STK32B: variants seen among roughly 807,000 people sequenced by gnomAD.
STK32B encodes the protein serine/threonine-protein kinase 32B.
A neutral mutation model predicts 52.6 loss-of-function variants in STK32B; 43 were observed. The ratio of observed to expected loss-of-function variants is 0.82; its 90% confidence interval spans 0.64 to 1.05. The LOEUF (loss-of-function observed/expected upper bound fraction) is 1.05, where lower values mean the gene tolerates loss of function less well. STK32B is among the 50% of genes least tolerant of loss of function. The pLI, the probability that STK32B is intolerant of heterozygous loss-of-function variation, is 0.00. For missense variants in STK32B, 621 were observed against 534.6 expected (o/e 1.16, Z -1.59); for synonymous variants, 238 against 204.3 (o/e 1.17, Z -1.41).
chr4:5,498,176 C>T (rs1216359307), intron 11 of STK32B, among the ~76,000 whole-genome samples: 1 of 152,160 alleles, frequency 6.6e-6, no homozygotes, highest in Non-Finnish European at 1.5e-5. Flanking sequence ...TCACTGCCTC[C>T]TTAAACGTCT....
the STK32B span, among the ~76,000 whole-genome samples, chr4:5,021,030 C>T: frequency 6.6e-6 from 1 of 152,170 alleles, no homozygotes; most frequent in Non-Finnish European, 1.5e-5. Context: ...ACCAAAGATG[C>T]AGCCCACAGG....
At chr4:5,436,237 G>A (rs761411606) in intron 6 of STK32B, among the ~76,000 whole-genome samples, 13 of 152,274 alleles carry the variant, frequency 8.5e-5, no homozygotes, top group South Asian at 2.1e-4. Context: ...ACTGAGTTGG[G>A]CCCCTGTGAA....
chr4:5,233,086 T>G (rs185173366), intron 3 of STK32B, among the ~76,000 whole-genome samples: 107 of 152,288 alleles, frequency 7.0e-4, no homozygotes, highest in Admixed American at 1.2e-3. Context: ...AACCTCAGAT[T>G]ACCTAATATG....
rs1264974037 is a variant in STK32B, at chr4:5,469,650, G to A, written c.1106+1580G>A. ...CTTTCACTGACCCTGAGTGGCTATA[G>A]CTCTGAGGGCCAATGGGTGCCCAGA... On this transcript the variant is annotated intron_variant, in intron 11 of 11. Transcript: ENST00000282908. The surrounding 1 kb of genome is among the most constrained non-coding windows in gnomAD (Gnocchi z 4.7). 1.3e-5 allele frequency among the ~76,000 whole-genome samples: 2 copies of A among 152,180 alleles called. No homozygotes were observed. The highest frequency in any genetic ancestry group is 4.1e-4 in the South Asian group (2 of 4,828).
intron 1 of STK32B, among the ~76,000 whole-genome samples, chr4:5,057,378 G>C (rs1226304555): frequency 1.3e-5 from 2 of 152,158 alleles, no homozygotes; most frequent in East Asian, 3.9e-4. Flanking sequence ...GGTGCACAGA[G>C]AACTCCCAAG....
intron 2 of STK32B, among the ~76,000 whole-genome samples, chr4:5,140,501 G>GT (rs1434457156): frequency 6.6e-6 from 1 of 151,826 alleles, no homozygotes; most frequent in African/African-American, 2.4e-5. Context: ...ATTCTGTTAT[G>GT]TTTTTTTCAC....
chr4:5,347,456 G>T (rs1330157368), intron 4 of STK32B, among the ~76,000 whole-genome samples: 3 of 152,168 alleles, frequency 2.0e-5, no homozygotes, highest in Admixed American at 6.5e-5. Context: ...TTGAATTAGG[G>T]TGGCTCATCT....
rs1466594963 is a variant in STK32B, at chr4:5,478,113, GC to G, written c.1106+10045del. On this transcript the variant is annotated intron_variant, in intron 11 of 11. Transcript: ENST00000282908. ...TGAACTCTCAACTCCCCTCTGAAAAGCCATGTGACCTACTACCAGTTGCCCA... is the reference window on the plus strand; with the variant it reads ...TGAACTCTCAACTCCCCTCTGAAAAGCATGTGACCTACTACCAGTTGCCCA... Among the ~76,000 whole-genome samples the G allele has an allele frequency of 2.0e-5, 3 of 152,282 alleles. No homozygotes were observed. The South Asian group carries it at 6.2e-4, about 32-fold the overall frequency.
intron 3 of STK32B, among the ~76,000 whole-genome samples, chr4:5,188,220 T>C (rs1181478957): frequency 6.6e-6 from 1 of 152,216 alleles, no homozygotes; most frequent in Non-Finnish European, 1.5e-5. Flanking sequence ...AGGTGGCGGC[T>C]GTGCAGATGG....
intron 4 of STK32B, among the ~76,000 whole-genome samples, chr4:5,371,486 C>G (rs568654428): frequency 6.6e-6 from 1 of 152,224 alleles, no homozygotes; most frequent in East Asian, 1.9e-4. Flanking sequence ...GGGAGCCTGT[C>G]TAAAGTTTGG....
rs11946959 is a variant in STK32B, at chr4:5,351,860, T to A, written c.434+20467T>A. Among the ~76,000 whole-genome samples the A allele has an allele frequency of 7.1e-3, 1,074 of 152,036 alleles. 9 individuals are homozygous for A. Among genetic ancestry groups the A allele is most frequent in the African/African-American group, 0.024 (1,002 of 41,514 alleles). On this transcript the variant is annotated intron_variant, in intron 4 of 11. Transcript: ENST00000282908. ...AACAAACTAAAAAACCTAAAGGAGA[T>A]AAATTTCTGAAGACATACAACCTAC... is the stretch of plus-strand genomic sequence containing the variant.
chr4:5,096,722 G>A (rs1191019354), intron 1 of STK32B, among the ~76,000 whole-genome samples: 1 of 152,176 alleles, frequency 6.6e-6, no homozygotes, highest in African/African-American at 2.4e-5. Context: ...GTAGGAAGGG[G>A]GAGGGCGGCG....
Position 5,467,779 on chromosome 4 carries a change from T to G in STK32B, c.1042-227T>G, listed in dbSNP as rs1322115225. 6.6e-6 allele frequency among the ~76,000 whole-genome samples: 1 copy of G among 152,162 alleles called. No individual in the cohort carries two copies. Among genetic ancestry groups the G allele is most frequent in the African/African-American group, 2.4e-5 (1 of 41,454 alleles). On this transcript the variant is annotated intron_variant, in intron 10 of 11. Transcript: ENST00000282908. The surrounding 1 kb of genome is among the most constrained non-coding windows in gnomAD (Gnocchi z 5.8). ...TTCCATTCTAACATGGCTTTTAAGT[T>G]GGATTTCATGGCTTAACGTGGAGAA...
At chr4:5,388,768 G>A (rs374167764) in intron 4 of STK32B, among the ~76,000 whole-genome samples, 2 of 152,176 alleles carry the variant, frequency 1.3e-5, no homozygotes, top group African/African-American at 4.8e-5. Context: ...GCCAAGGGAG[G>A]GATGTCACGG....
In STK32B at chr4:5,470,965, G is replaced by A. The variant is rs1349548179; in HGVS notation, c.1106+2895G>A. 3.3e-5 allele frequency among the ~76,000 whole-genome samples: 5 copies of A among 152,226 alleles called. No homozygotes were observed. The highest frequency in any genetic ancestry group is 1.9e-4 in the East Asian group (1 of 5,182). On this transcript the variant is annotated intron_variant, in intron 11 of 11. Transcript: ENST00000282908. This position sits in a 1 kb window ranked among gnomAD's most constrained non-coding sequence, Gnocchi z 4.6. The stretch of plus-strand genomic sequence containing the variant: ...TGTCGTCATGCTCCGCCTGGACCAC[G>A]TCCCCGGTCCCCAGCAGTTCCGCCT...
chr4:5,205,184 C>A (rs1722471088), intron 3 of STK32B, among the ~76,000 whole-genome samples: 1 of 151,326 alleles, frequency 6.6e-6, no homozygotes, highest in African/African-American at 2.5e-5. Flanking sequence ...TATATCATTG[C>A]CTCTCCTGGT....
intron 4 of STK32B, among the ~76,000 whole-genome samples, chr4:5,373,677 G>A (rs118027135): frequency 0.01 from 1,582 of 152,162 alleles, 23 homozygotes; most frequent in East Asian, 0.072. Flanking sequence ...CCATCTGCAG[G>A]GCCCCTAGGA....
intron 1 of STK32B, among the ~76,000 whole-genome samples, chr4:5,108,885 A>G (rs982332226): frequency 6.6e-6 from 1 of 152,228 alleles, no homozygotes; most frequent in Admixed American, 6.5e-5. Context: ...TTAGGGAAGA[A>G]TAGTTACGTT....
At chr4:5,322,021 A>AT (rs1466288724) in intron 3 of STK32B, among the ~76,000 whole-genome samples, 7 of 47,730 alleles carry the variant, frequency 1.5e-4, no homozygotes, top group Admixed American at 1.0e-3. Flanking sequence ...AAAAAAAAAA[A>AT]GTGGTGGGAG....
Sources: allele counts gnomAD v4.1 joint callset (sites outside exome capture counted in the v4.1 genomes callset), GRCh38; gene constraint gnomAD v4.1.1; non-coding constraint Gnocchi (gnomAD v3.1); transcripts MANE v1.5; gene names NCBI Gene and HGNC (gene_info 2026-07-23, HGNC 2026-07-21).